Variants in CRPPA observed in about 807,000 individuals in gnomAD.
CRPPA encodes CDP-L-ribitol pyrophosphorylase A.
In CRPPA, 43 loss-of-function variants were observed where a neutral mutation model predicts 52.0. The observed-to-expected ratio is 0.83, with a 90% CI of 0.65 to 1.07. CRPPA has a LOEUF of 1.07. Ranked by LOEUF, CRPPA falls within the 50% of genes least tolerant of loss-of-function variation. The pLI is 0.00. For missense variants in CRPPA, 629 were observed against 551.7 expected (o/e 1.14, Z -1.40); for synonymous variants, 250 against 203.5 (o/e 1.23, Z -1.94).
chr7:16,397,363 G>T (rs1310948335), intron 2 of CRPPA, among the ~76,000 whole-genome samples: 1 of 152,192 alleles, frequency 6.6e-6, no homozygotes, highest in African/African-American at 2.4e-5. Context: ...GGTGACTGAC[G>T]TGTGTAACAC....
chr7:16,115,487 G>A (rs1782351710), intron 9 of CRPPA, among the ~76,000 whole-genome samples: 1 of 152,154 alleles, frequency 6.6e-6, no homozygotes, highest in South Asian at 2.1e-4. Flanking sequence ...GAGTGTTTCT[G>A]TGTCTAGAAA....
intron 2 of CRPPA, among the ~76,000 whole-genome samples, chr7:16,391,159 AG>A (rs1787433056): frequency 6.6e-6 from 1 of 152,138 alleles, no homozygotes; most frequent in Non-Finnish European, 1.5e-5. Context: ...TTGAACTCAA[AG>A]TTTTGGTATT....
chr7:16,389,928 A>AAAAAAAAAAATATATATATATAT, intron 2 of CRPPA, among the ~76,000 whole-genome samples: 1 of 29,764 alleles, frequency 3.4e-5, no homozygotes, highest in African/African-American at 1.7e-4. Context: ...AAAAAAAAAA[A>AAAAAAAAAAATATATATATATAT]ATATATATAT....
At chr7:16,321,301 C>T (rs1785259802) in intron 3 of CRPPA, among the ~76,000 whole-genome samples, 1 of 152,014 alleles carries the variant, frequency 6.6e-6, no homozygotes, top group Non-Finnish European at 1.5e-5. Context: ...AATGCTTTAC[C>T]CTATCATAAC....
chr7:16,255,890 C>T (rs1446169468), intron 8 of CRPPA, among the ~76,000 whole-genome samples: 4 of 152,110 alleles, frequency 2.6e-5, no homozygotes, highest in Non-Finnish European at 5.9e-5. Flanking sequence ...TGGGCAAAGT[C>T]TTCATGACTA....
At chr7:16,100,006 C>G (rs1421332805) in intron 9 of CRPPA, among the ~76,000 whole-genome samples, 1 of 152,162 alleles carries the variant, frequency 6.6e-6, no homozygotes, top group Non-Finnish European at 1.5e-5. Context: ...TTTTTGGCTA[C>G]TGCTCCAACC....
intron 9 of CRPPA, among the ~76,000 whole-genome samples, chr7:16,135,200 G>A (rs1782741939): frequency 6.6e-6 from 1 of 152,078 alleles, no homozygotes; most frequent in South Asian, 2.1e-4. Context: ...CTTTGCAAAG[G>A]TTTTTAAAAC....
intron 1 of CRPPA, among the ~76,000 whole-genome samples, chr7:16,407,169 G>C (rs1265318178): frequency 6.6e-6 from 1 of 152,034 alleles, no homozygotes; most frequent in Non-Finnish European, 1.5e-5. Flanking sequence ...GTAGAGATAG[G>C]GTTTCATGAT....
intron 2 of CRPPA, among the ~76,000 whole-genome samples, chr7:16,389,865 TAGA>T (rs1481753906): frequency 5.9e-5 from 8 of 136,538 alleles, no homozygotes; most frequent in Admixed American, 4.0e-4. Flanking sequence ...TTCTAACTAT[TAGA>T]AGAAGCGAGT....
At chr7:16,192,817 T>C (rs141603475) in intron 9 of CRPPA, among the ~76,000 whole-genome samples, 13 of 152,270 alleles carry the variant, frequency 8.5e-5, no homozygotes, top group Admixed American at 1.3e-4. Flanking sequence ...TTTGCTGAAA[T>C]GACTTTCCTT....
At chr7:16,315,961 C>T (rs564452987) in intron 3 of CRPPA, among the ~76,000 whole-genome samples, 1 of 152,200 alleles carries the variant, frequency 6.6e-6, no homozygotes, top group African/African-American at 2.4e-5. Context: ...GTTTATTTTT[C>T]AATTGTTCAA....
Position 16,225,172 on chromosome 7 carries a change from A to G in CRPPA, c.1120-8975T>C, listed in dbSNP as rs1381244705. Among the ~76,000 whole-genome samples the G allele has an allele frequency of 2.6e-5, 4 of 152,054 alleles. No homozygotes were observed. In the East Asian group the frequency reaches 7.7e-4, roughly 29 times the overall value. ...AATGAGTTTCATAATATCAGTACAAATGTTACATAAGTATACACTGTTTCA... is the reference window on the plus strand; with the variant it reads ...AATGAGTTTCATAATATCAGTACAAGTGTTACATAAGTATACACTGTTTCA... On this transcript the variant is annotated intron_variant, in intron 8 of 9. Coordinates refer to ENST00000407010, the MANE Select transcript of CRPPA (RefSeq NM_001101426.4).
At chr7:16,396,582 C>T (rs1175340467) in intron 2 of CRPPA, among the ~76,000 whole-genome samples, 2 of 152,194 alleles carry the variant, frequency 1.3e-5, no homozygotes, top group African/African-American at 4.8e-5. Flanking sequence ...GGTATCCAGT[C>T]TGAGGAAAAG....
chr7:16,376,350 C>G, intron 2 of CRPPA, 109 bp from the exon 3 acceptor site: 1 of 1,091,696 alleles, frequency 9.2e-7, no homozygotes, highest in Middle Eastern at 2.3e-4. Flanking sequence ...CTTCAACAAG[C>G]TACCTTAAGA....
At chr7:16,236,809 G>T (rs1008816719) in intron 8 of CRPPA, among the ~76,000 whole-genome samples, 1 of 151,958 alleles carries the variant, frequency 6.6e-6, no homozygotes, top group Non-Finnish European at 1.5e-5. Flanking sequence ...ACTATAGAAG[G>T]CTTGGAAAAG....
At chr7:16,174,115 G>A (rs1407894845) in intron 9 of CRPPA, among the ~76,000 whole-genome samples, 1 of 152,048 alleles carries the variant, frequency 6.6e-6, no homozygotes. Flanking sequence ...TTAACTACAA[G>A]AAGCCAGACC....
intron 9 of CRPPA, among the ~76,000 whole-genome samples, chr7:16,103,056 A>G (rs1416926280): frequency 3.3e-5 from 5 of 152,258 alleles, no homozygotes; most frequent in African/African-American, 1.2e-4. Context: ...GAACCAACCC[A>G]GATGCCCATC....
intron 9 of CRPPA, among the ~76,000 whole-genome samples, chr7:16,138,709 C>CTT (rs1171456891): frequency 6.6e-6 from 1 of 151,900 alleles, no homozygotes; most frequent in Admixed American, 6.6e-5. Context: ...TTATCTTATA[C>CTT]TTTGACCAAT....
At chr7:16,236,826 T>G (rs1395408945) in intron 8 of CRPPA, among the ~76,000 whole-genome samples, 1 of 152,146 alleles carries the variant, frequency 6.6e-6, no homozygotes, top group Non-Finnish European at 1.5e-5. Context: ...AAAGACATTG[T>G]AATATAAAAG....
Sources: gnomAD v4.1 joint callset for allele counts (sites outside exome capture counted in the v4.1 genomes callset) on GRCh38, gnomAD v4.1.1 for gene constraint, MANE v1.5 for transcripts, NCBI Gene and HGNC (gene_info 2026-07-23, HGNC 2026-07-21) for gene names.